The following PTPRD variants were observed in gnomAD, a reference collection of about 807,000 sequenced individuals.
The protein encoded by PTPRD is protein tyrosine phosphatase receptor type D, also known as receptor-type tyrosine-protein phosphatase delta.
Under a neutral mutation model 214.5 loss-of-function variants are expected in PTPRD, and 34 were observed. That is an observed-to-expected ratio of 0.16 (90% CI 0.12 to 0.21). The LOEUF is 0.21. Among genes scored for constraint, PTPRD ranks in the 10% least tolerant of loss-of-function variants. PTPRD has a pLI of 1.00. For missense variants in PTPRD, 2,545 were observed against 2,398.7 expected (o/e 1.06, Z -1.27); for synonymous variants, 1,128 against 845.7 (o/e 1.33, Z -5.79).
chr9:10,031,647 T>TATACACACACACAC lies in PTPRD; in HGVS notation c.-472+2070_-472+2071insGTGTGTGTGTGTAT. ...CTCCATATATATATATATATATATA[T>TATACACACACACAC]ACACACACACACACACACATACACA... On this transcript the variant is annotated intron_variant, in intron 4 of 45. Transcript: ENST00000381196. 3.2e-4 allele frequency among the ~76,000 whole-genome samples: 29 copies of TATACACACACACAC among 89,594 alleles called. 1 individual carries two copies. Among genetic ancestry groups the TATACACACACACAC allele is most frequent in the African/African-American group, 1.9e-3 (24 of 12,356 alleles). 58.8% of individuals were successfully genotyped at this position (89,594 alleles called of 152,430 possible). A position where few individuals can be genotyped will look rare whatever the true frequency, so the allele number is the denominator to read the frequency against.
chr9:9,818,700 G>A (rs777098567), intron 5 of PTPRD, among the ~76,000 whole-genome samples: 3 of 151,874 alleles, frequency 2.0e-5, no homozygotes, highest in Non-Finnish European at 2.9e-5. Flanking sequence ...GGTGGACCAC[G>A]AGGTCAGGAG....
chr9:9,701,221 C>T (rs2097494750), intron 7 of PTPRD, among the ~76,000 whole-genome samples: 1 of 152,012 alleles, frequency 6.6e-6, no homozygotes, highest in South Asian at 2.1e-4. Context: ...GGAGGTAACA[C>T]TGAAAACTTA....
At chr9:9,426,314 C>A (rs1374652474) in intron 8 of PTPRD, among the ~76,000 whole-genome samples, 2 of 152,200 alleles carry the variant, frequency 1.3e-5, no homozygotes. Context: ...TCAGTGCTAG[C>A]ACAGCAGTCT....
intron 14 of PTPRD, among the ~76,000 whole-genome samples, chr9:8,537,813 C>T (rs2077324539): frequency 6.6e-6 from 1 of 151,988 alleles, no homozygotes; most frequent in Admixed American, 6.6e-5. Flanking sequence ...AATCATCCTA[C>T]AAATTACAAA....
chr9:8,521,516 G>T lies in PTPRD; in HGVS notation c.722C>A (p.Pro241Gln). Residue 241 changes from proline to glutamine, a missense_variant, in exon 20 of 46, where the codon CCA becomes CAA. By Grantham distance (76) the Pro-to-Gln change is moderately conservative. Coordinates refer to ENST00000381196, the MANE Select transcript of PTPRD (RefSeq NM_002839.4). ...VRRVPPRFSI[P>Q]PTNHEIMPGG... The stretch of plus-strand genomic sequence containing the variant: ...TGGCATGATTTCATGATTAGTGGGT[G>T]GGATAGAGAATCTTGGTGGGACACG... 1 of 1,613,876 alleles carries T rather than the reference G, an allele frequency of 6.2e-7. No homozygotes were observed.
chr9:10,357,311 C>G (rs1419092873), intron 2 of PTPRD, among the ~76,000 whole-genome samples: 1 of 152,138 alleles, frequency 6.6e-6, no homozygotes, highest in Non-Finnish European at 1.5e-5. Flanking sequence ...CATTTTTGAG[C>G]ACTCTTTACT....
At chr9:9,396,721 C>G (rs1221935958) in intron 9 of PTPRD, among the ~76,000 whole-genome samples, 1 of 151,900 alleles carries the variant, frequency 6.6e-6, no homozygotes, top group African/African-American at 2.4e-5. Context: ...TGAATAAGAA[C>G]AAAAAATGCA....
At chr9:9,849,500 T>A (rs2060149453) in intron 5 of PTPRD, among the ~76,000 whole-genome samples, 1 of 152,116 alleles carries the variant, frequency 6.6e-6, no homozygotes, top group African/African-American at 2.4e-5. Flanking sequence ...TATAGAAGTC[T>A]GATGGTGATG....
At chr9:10,313,359 T>A (rs2096323967) in intron 3 of PTPRD, among the ~76,000 whole-genome samples, 1 of 148,196 alleles carries the variant, frequency 6.7e-6, no homozygotes, top group Non-Finnish European at 1.5e-5. Context: ...AAACAATATG[T>A]ACAAAGACAG....
At chr9:9,347,481 G>A (rs567081776) in intron 9 of PTPRD, among the ~76,000 whole-genome samples, 38 of 151,918 alleles carry the variant, frequency 2.5e-4, no homozygotes, top group African/African-American at 8.9e-4. Context: ...ATCCCTCAGG[G>A]TAAAACCATT....
Position 9,726,108 on chromosome 9 carries a change from A to G in PTPRD, c.-287+8425T>C, listed in dbSNP as rs181377395. Among the ~76,000 whole-genome samples, 29 of 152,320 alleles carry G rather than the reference A, an allele frequency of 1.9e-4. No individual in the cohort carries two copies. In the East Asian group the frequency reaches 5.2e-3, roughly 27 times the overall value. On this transcript the variant is annotated intron_variant, in intron 7 of 45. Transcript: ENST00000381196. ...TTTTTTAAGGACAACTTGTACATCT[A>G]TTAAACAGAACATTGACATTGCTAT...
intron 3 of PTPRD, among the ~76,000 whole-genome samples, chr9:10,312,880 T>C (rs533204441): frequency 5.9e-4 from 90 of 152,108 alleles, no homozygotes; most frequent in African/African-American, 2.0e-3. Flanking sequence ...TAAAATTTCT[T>C]GTCATCTAGA....
At chr9:9,786,368 G>C (rs886725073) in intron 5 of PTPRD, among the ~76,000 whole-genome samples, 2 of 152,150 alleles carry the variant, frequency 1.3e-5, no homozygotes, top group Non-Finnish European at 2.9e-5. Flanking sequence ...AACTTTATTA[G>C]CATCGAGAGA....
At chr9:9,094,840 C>T (rs1300938578) in intron 10 of PTPRD, among the ~76,000 whole-genome samples, 1 of 152,050 alleles carries the variant, frequency 6.6e-6, no homozygotes, top group African/African-American at 2.4e-5. Context: ...CTAGCATTAT[C>T]CCGACACCCA....
At chr9:8,777,806 T>A (rs995856568) in intron 11 of PTPRD, among the ~76,000 whole-genome samples, 3 of 152,214 alleles carry the variant, frequency 2.0e-5, no homozygotes, top group African/African-American at 7.2e-5. Context: ...CTATGGGACC[T>A]AATTTTAGTG....
intron 9 of PTPRD, among the ~76,000 whole-genome samples, chr9:9,295,907 G>C (rs1952843214): frequency 6.6e-6 from 1 of 151,728 alleles, no homozygotes; most frequent in Non-Finnish European, 1.5e-5. Flanking sequence ...TCTCTTTTTA[G>C]CCTATTGACA....
intron 10 of PTPRD, among the ~76,000 whole-genome samples, chr9:9,115,363 C>G (rs2099811379): frequency 1.3e-5 from 2 of 151,968 alleles, no homozygotes; most frequent in African/African-American, 4.8e-5. Flanking sequence ...AAATGGCCGA[C>G]AAACATAGGA....
intron 10 of PTPRD, among the ~76,000 whole-genome samples, chr9:9,055,761 T>A (rs891932573): frequency 2.7e-5 from 4 of 150,316 alleles, no homozygotes; most frequent in African/African-American, 7.3e-5. Context: ...TAACTAACAA[T>A]ATATAAATGC....
At chr9:10,292,656 G>A (rs558126275) in intron 3 of PTPRD, among the ~76,000 whole-genome samples, 1 of 151,942 alleles carries the variant, frequency 6.6e-6, no homozygotes, top group East Asian at 1.9e-4. Flanking sequence ...GAAATCAAAT[G>A]AAATATGTCA....
Sources: gnomAD v4.1 joint callset for allele counts (sites outside exome capture counted in the v4.1 genomes callset) on GRCh38, gnomAD v4.1.1 for gene constraint, MANE v1.5 for transcripts, NCBI Gene and HGNC (gene_info 2026-07-23, HGNC 2026-07-21) for gene names.